Variants in PDE1C observed in about 807,000 individuals in gnomAD.
PDE1C encodes dual specificity calcium/calmodulin-dependent 3',5'-cyclic nucleotide phosphodiesterase 1C.
A neutral mutation model predicts 93.1 loss-of-function variants in PDE1C; 62 were observed. That is an observed-to-expected ratio of 0.67 (90% CI 0.54 to 0.82). The LOEUF is 0.82. PDE1C is among the 40% of genes least tolerant of loss of function. The pLI, the probability that PDE1C is intolerant of heterozygous loss-of-function variation, is 0.00. For synonymous variants in PDE1C, 325 were observed against 310.1 expected, an observed-to-expected ratio of 1.05 and a Z score of -0.50; for missense variants, 742 against 884.6, an observed-to-expected ratio of 0.84 and a Z score of 2.04.
At chr7:31,985,328 G>C (rs571602487) in intron 2 of PDE1C, among the ~76,000 whole-genome samples, 1 of 152,202 alleles carries the variant, frequency 6.6e-6, no homozygotes, top group East Asian at 1.9e-4. Flanking sequence ...TTATATTTAT[G>C]ATTGGCCCCC....
intron 2 of PDE1C, among the ~76,000 whole-genome samples, chr7:31,959,799 T>G: frequency 6.6e-6 from 1 of 152,170 alleles, no homozygotes; most frequent in Non-Finnish European, 1.5e-5. Context: ...CTTTAAGGAA[T>G]GATGTAAAAG....
chr7:31,767,379 T>C (rs1258315413), intron 17 of PDE1C, among the ~76,000 whole-genome samples: 1 of 152,130 alleles, frequency 6.6e-6, no homozygotes, highest in Non-Finnish European at 1.5e-5. Flanking sequence ...GTTCTCATGA[T>C]ATTGAGTGAT....
rs187122903 is a variant in PDE1C at position 31,879,025 on chromosome 7, G to C, written c.396C>G (p.His132Gln). The C allele has an allele frequency of 3.1e-5, 50 of 1,614,084 alleles. No individual in the cohort carries two copies. The highest frequency in any genetic ancestry group is 4.2e-5 in the Non-Finnish European group (49 of 1,179,992). Reference sequence around the variant, plus strand: ...CCACAAATATCCCAGCCTGCACTGCGTGAACGATGCTCTTGAACCGGGGCT... The same window carrying C: ...CCACAAATATCCCAGCCTGCACTGCCTGAACGATGCTCTTGAACCGGGGCT... Reference protein sequence around the residue: ...DEKPRFKSIVHAVQAGIFVER... With the variant: ...DEKPRFKSIVQAVQAGIFVER... Residue 132 changes from histidine (H) to glutamine (Q), a missense_variant, in exon 4 of 18, where the codon CAC becomes CAG. Transcript: ENST00000396191.
chr7:32,075,118 C>A (rs1270567704), upstream of PDE1C, among the ~76,000 whole-genome samples: 1 of 152,176 alleles, frequency 6.6e-6, no homozygotes, highest in Non-Finnish European at 1.5e-5. Flanking sequence ...ACCAGGGCTG[C>A]AGAAGAGAAA....
intron 2 of PDE1C, among the ~76,000 whole-genome samples, chr7:32,019,127 C>G (rs563379777): frequency 1.4e-5 from 2 of 146,704 alleles, no homozygotes; most frequent in Admixed American, 1.4e-4. Flanking sequence ...TAGAGGGGCA[C>G]CACAAGACAC....
the PDE1C span, among the ~76,000 whole-genome samples, chr7:31,633,482 C>T: frequency 6.6e-6 from 1 of 152,172 alleles, no homozygotes; most frequent in African/African-American, 2.4e-5. Flanking sequence ...ACCTGGGGAA[C>T]ATAGAGAGGT....
At chr7:31,627,527 G>A in the PDE1C span, among the ~76,000 whole-genome samples, 1 of 151,990 alleles carries the variant, frequency 6.6e-6, no homozygotes, top group South Asian at 2.1e-4. Flanking sequence ...ATGGGATGGT[G>A]CACACCTGTA....
At chr7:31,635,321 A>G in the PDE1C span, among the ~76,000 whole-genome samples, 485 of 152,324 alleles carry the variant, frequency 3.2e-3, no homozygotes, top group African/African-American at 0.011. Flanking sequence ...AAACTAAACC[A>G]TCAGTAACCT....
intron 16 of PDE1C, 93 bp from the exon 17 acceptor site, chr7:31,775,825 G>A: frequency 9.2e-7 from 1 of 1,083,270 alleles, no homozygotes; most frequent in Non-Finnish European, 1.4e-6. Flanking sequence ...TCAAGTTGGG[G>A]TCTGAAAACA....
intron 2 of PDE1C, among the ~76,000 whole-genome samples, chr7:31,982,705 A>G (rs1812555095): frequency 6.6e-6 from 1 of 152,216 alleles, no homozygotes; most frequent in Non-Finnish European, 1.5e-5. Context: ...TAACAATTGT[A>G]GAATCTAGAT....
At position 32,157,586 on chromosome 7, in the gene PDE1C, G is replaced by A. The variant is rs116635802; in HGVS notation, c.308+12199C>T. 3.3e-3 allele frequency among the ~76,000 whole-genome samples: 496 copies of A among 152,028 alleles called. 4 individuals carry two copies. The highest frequency in any genetic ancestry group is 0.011 in the African/African-American group (475 of 41,452). The stretch of plus-strand genomic sequence containing the variant: ...TGTTAAAGACATTATTGGGACATTT[G>A]GTGAAATTTGAACACAGACTGTATA... On this transcript the variant is annotated intron_variant, in intron 3 of 18. Transcript: ENST00000396193.
chr7:32,133,378 T>G (rs1293146865), intron 3 of PDE1C, among the ~76,000 whole-genome samples: 1 of 152,142 alleles, frequency 6.6e-6, no homozygotes, highest in East Asian at 1.9e-4. Context: ...ACAGAGTAAA[T>G]TCTCCCTCTT....
At chr7:31,841,493 A>G (rs1791893430) in intron 9 of PDE1C, among the ~76,000 whole-genome samples, 1 of 152,050 alleles carries the variant, frequency 6.6e-6, no homozygotes, top group African/African-American at 2.4e-5. Context: ...GCTTGATGTT[A>G]GTTATAGGTT....
intron 1 of PDE1C, among the ~76,000 whole-genome samples, chr7:32,274,176 G>C (rs940835793): frequency 6.6e-6 from 1 of 151,672 alleles, no homozygotes; most frequent in African/African-American, 2.4e-5. Context: ...CCCCAATATG[G>C]ATATAATGGC....
intron 1 of PDE1C, among the ~76,000 whole-genome samples, chr7:32,333,951 G>T (rs1172460078): frequency 1.3e-5 from 2 of 152,132 alleles, no homozygotes; most frequent in South Asian, 2.1e-4. Context: ...AAATATCCCA[G>T]ACCCTGTCAT....
chr7:32,406,635 T>C (rs1045651719), intron 1 of PDE1C, among the ~76,000 whole-genome samples: 4 of 152,108 alleles, frequency 2.6e-5, no homozygotes, highest in Non-Finnish European at 2.9e-5. Context: ...CCAATTATTG[T>C]GTAATGCATA....
chr7:31,865,362 T>G (rs1303303289), intron 6 of PDE1C, among the ~76,000 whole-genome samples: 1 of 152,202 alleles, frequency 6.6e-6, no homozygotes, highest in Admixed American at 6.5e-5. Flanking sequence ...TACTTAGTTT[T>G]AGTAACATGT....
the PDE1C span, among the ~76,000 whole-genome samples, chr7:31,625,066 C>T: frequency 2.0e-5 from 3 of 152,140 alleles, no homozygotes; most frequent in Admixed American, 6.5e-5. Flanking sequence ...ATCAAAACCA[C>T]AATGAGATAT....
At chr7:32,006,190 T>C (rs1195884333) in intron 2 of PDE1C, among the ~76,000 whole-genome samples, 1 of 152,178 alleles carries the variant, frequency 6.6e-6, no homozygotes. Context: ...CGTTGAAATT[T>C]TTTCAGGTAA....
Sources: allele counts gnomAD v4.1 joint callset (sites outside exome capture counted in the v4.1 genomes callset), GRCh38; gene constraint gnomAD v4.1.1; transcripts MANE v1.5; gene names NCBI Gene and HGNC (gene_info 2026-07-23, HGNC 2026-07-21).